The following OXCT1 variants were observed in gnomAD, a reference collection of about 807,000 sequenced individuals.
OXCT1 encodes the protein succinyl-CoA:3-ketoacid coenzyme A transferase 1, mitochondrial.
In OXCT1, 27 loss-of-function variants were observed where a neutral mutation model predicts 69.6. The ratio of observed to expected loss-of-function variants is 0.39; its 90% CI spans 0.29 to 0.54. The LOEUF (loss-of-function observed/expected upper bound fraction) is 0.54, where lower values mean the gene tolerates loss of function less well. Ranked by LOEUF, OXCT1 falls within the 20% of genes least tolerant of loss-of-function variation. The pLI, the probability that OXCT1 is intolerant of heterozygous loss-of-function variation, is 0.72. For synonymous variants in OXCT1, 202 were observed against 217.8 expected (o/e 0.93, Z 0.64); for missense variants, 437 against 650.2 (o/e 0.67, Z 3.57).
intron 16 of OXCT1, among the ~76,000 whole-genome samples, chr5:41,736,144 T>C (rs1368978844): frequency 6.6e-6 from 1 of 152,246 alleles, no homozygotes; most frequent in Non-Finnish European, 1.5e-5. Flanking sequence ...AAAGTCCCTA[T>C]CGTCATAGCA....
intron 5 of OXCT1, chr5:41,843,777 C>A (rs1322999219): frequency 3.4e-6 from 1 of 290,072 alleles, no homozygotes; most frequent in African/African-American, 2.2e-5. Context: ...ACATTTATTT[C>A]AACTATGGTT....
chr5:41,733,725 C>A (rs886836583), intron 16 of OXCT1, among the ~76,000 whole-genome samples: 1 of 152,104 alleles, frequency 6.6e-6, no homozygotes, highest in Non-Finnish European at 1.5e-5. Flanking sequence ...AAAATGACAT[C>A]AAAAATAAGA....
chr5:41,853,593 G>T, intron 3 of OXCT1, 39 bp from the exon 4 acceptor site: 1 of 1,602,460 alleles, frequency 6.2e-7, no homozygotes, highest in Non-Finnish European at 8.5e-7. Context: ...AAGAGCATCT[G>T]ACAGAACACT....
intron 4 of OXCT1, among the ~76,000 whole-genome samples, chr5:41,851,713 T>A (rs1749182294): frequency 6.7e-6 from 1 of 149,524 alleles, no homozygotes; most frequent in Non-Finnish European, 1.5e-5. Flanking sequence ...GAGGAAAAAC[T>A]GTAAAAAAAA....
intron 3 of OXCT1, among the ~76,000 whole-genome samples, chr5:41,858,907 C>G (rs1188466771): frequency 6.6e-6 from 1 of 152,048 alleles, no homozygotes; most frequent in Non-Finnish European, 1.5e-5. Flanking sequence ...AGTAATTTCC[C>G]CATCCCCCAC....
At chr5:41,734,041 C>A (rs1460569342) in intron 16 of OXCT1, among the ~76,000 whole-genome samples, 1 of 152,224 alleles carries the variant, frequency 6.6e-6, no homozygotes, top group East Asian at 1.9e-4. Flanking sequence ...GGAATGTCTG[C>A]AGCTTCTTTC....
intron 7 of OXCT1, among the ~76,000 whole-genome samples, chr5:41,820,429 C>G (rs953869345): frequency 4.6e-5 from 7 of 152,072 alleles, no homozygotes; most frequent in African/African-American, 1.7e-4. Context: ...GTCAAATAAT[C>G]AGACATGCAC....
chr5:41,755,646 C>G (rs183290836), intron 14 of OXCT1, among the ~76,000 whole-genome samples: 1 of 152,216 alleles, frequency 6.6e-6, no homozygotes, highest in African/African-American at 2.4e-5. Context: ...TTAATAAACT[C>G]CATTTACCTT....
chr5:41,793,934 T>C (rs1187468267), intron 13 of OXCT1, 69 bp downstream of exon 13: 4 of 945,158 alleles, frequency 4.2e-6, no homozygotes, highest in Non-Finnish European at 7.0e-6. Flanking sequence ...CTCATGGCCC[T>C]TTTTCTTAGT....
intron 13 of OXCT1, among the ~76,000 whole-genome samples, chr5:41,768,817 G>A (rs369528254): frequency 3.3e-5 from 5 of 152,126 alleles, no homozygotes; most frequent in African/African-American, 1.2e-4. Context: ...ATCTGAATAC[G>A]TTGCTCCTCT....
At chr5:41,801,271 G>A (rs1579765420) in intron 10 of OXCT1, among the ~76,000 whole-genome samples, 3 of 152,090 alleles carry the variant, frequency 2.0e-5, no homozygotes, top group African/African-American at 7.2e-5. Flanking sequence ...TTGTGATTGG[G>A]CAAATGAAAA....
At chr5:41,808,761 G>A (rs1746810937) in intron 7 of OXCT1, among the ~76,000 whole-genome samples, 1 of 152,080 alleles carries the variant, frequency 6.6e-6, no homozygotes, top group Admixed American at 6.6e-5. Flanking sequence ...TCTATTCGAG[G>A]TGGAGGTGGG....
At chr5:41,733,527 G>A (rs751032729) in intron 16 of OXCT1, among the ~76,000 whole-genome samples, 6 of 152,122 alleles carry the variant, frequency 3.9e-5, no homozygotes, top group Non-Finnish European at 8.8e-5. Context: ...GATTACAGGC[G>A]TAAGCCACCG....
chr5:41,745,288 C>G (rs574572997), intron 15 of OXCT1, among the ~76,000 whole-genome samples: 6 of 152,054 alleles, frequency 3.9e-5, no homozygotes, highest in Admixed American at 1.3e-4. Flanking sequence ...GAACAACCTG[C>G]TCCTGAATGA....
At chr5:41,788,147 A>G (rs1405322261) in intron 13 of OXCT1, among the ~76,000 whole-genome samples, 1 of 152,210 alleles carries the variant, frequency 6.6e-6, no homozygotes, top group East Asian at 1.9e-4. Context: ...TTACTATTGT[A>G]TAATTCTTAC....
At chr5:41,795,500 G>C (rs966619133) in intron 11 of OXCT1, among the ~76,000 whole-genome samples, 1 of 152,228 alleles carries the variant, frequency 6.6e-6, no homozygotes, top group African/African-American at 2.4e-5. Flanking sequence ...TAATGCTACT[G>C]TAAGTCACTG....
intron 13 of OXCT1, among the ~76,000 whole-genome samples, chr5:41,778,524 C>G (rs1264557276): frequency 1.3e-5 from 2 of 152,216 alleles, no homozygotes; most frequent in Non-Finnish European, 2.9e-5. Flanking sequence ...ATCAAGATGA[C>G]TCTAGGGTTT....
At chr5:41,766,616 A>G (rs1389183862) in intron 13 of OXCT1, among the ~76,000 whole-genome samples, 2 of 151,714 alleles carry the variant, frequency 1.3e-5, no homozygotes, top group African/African-American at 4.8e-5. Context: ...AGTTGTAAAC[A>G]TGATCTTTGG....
rs75924317 is a variant in OXCT1 at position 41,828,674 on chromosome 5, C to T, written c.732+11777G>A. ...GTCCCACAAAATTGCAGTCATTTCT[C>T]GACATCTATACAAATTCACATTATT... On this transcript the variant is annotated intron_variant, in intron 7 of 16. Transcript: ENST00000196371. Among the ~76,000 whole-genome samples the T allele has an allele frequency of 8.6e-3, 1,313 of 152,246 alleles. 10 individuals carry two copies. Among genetic ancestry groups the T allele is most frequent in the South Asian group, 0.028 (133 of 4,830 alleles).
Sources: gnomAD v4.1 joint callset for allele counts (sites outside exome capture counted in the v4.1 genomes callset) on GRCh38, gnomAD v4.1.1 for gene constraint, MANE v1.5 for transcripts, NCBI Gene and HGNC (gene_info 2026-07-23, HGNC 2026-07-21) for gene names.